Variants in TTC1 observed in about 807,000 individuals in gnomAD.
TTC1 encodes the protein tetratricopeptide repeat protein 1.
Under a neutral mutation model 37.6 loss-of-function variants are expected in TTC1, and 31 were observed. The observed-to-expected ratio is 0.82, with a 90% CI of 0.62 to 1.11. TTC1 has a LOEUF of 1.11. Among genes scored for constraint, TTC1 ranks in the 50% most tolerant of loss-of-function variants. TTC1 has a pLI of 0.00. For synonymous variants in TTC1, 127 were observed against 122.4 expected (o/e 1.04, Z -0.25); for missense variants, 351 against 339.0 (o/e 1.04, Z -0.28).
intron 4 of TTC1, among the ~76,000 whole-genome samples, 175 bp from the exon 5 acceptor site, chr5:160,042,958 C>T (rs2113377448): frequency 6.6e-6 from 1 of 152,276 alleles, no homozygotes; most frequent in African/African-American, 2.4e-5. Context: ...CATCCCCATC[C>T]CCGTGTTAAT....
At chr5:160,035,104 T>C (rs1423863437) in intron 2 of TTC1, 36 bp from the exon 3 acceptor site, 2 of 1,547,590 alleles carry the variant, frequency 1.3e-6, no homozygotes, top group South Asian at 1.2e-5. Flanking sequence ...TATAATAATA[T>C]TGTGAGAAAT....
chr5:160,043,107 CAT>C (rs1757129648), intron 4 of TTC1, 24 bp from the exon 5 acceptor site: 6 of 1,610,744 alleles, frequency 3.7e-6, no homozygotes, highest in East Asian at 4.5e-5. Flanking sequence ...TAGGGCAACA[CAT>C]ATTAATACTG....
chr5:160,049,603 G>T lies in TTC1; in HGVS notation c.631G>T (p.Asp211Tyr). ...GGACAAGCTAGATGAAGCCCTGGAA[G>T]ACTATAAATCTATATTAGAAAAAGA... ...KTDKLDEALE[D>Y]YKSILEKDPS... The change falls in exon 6 of 8, where the codon GAC (aspartate) becomes TAC (tyrosine). Residue 211 changes from aspartate (D) to tyrosine (Y), a missense_variant. By Grantham distance (160) the Asp-to-Tyr change is radical. Coordinates refer to ENST00000231238, the MANE Select transcript of TTC1 (RefSeq NM_003314.3). 6.2e-7 allele frequency: 1 copy of T among 1,611,764 alleles called. No individual in the cohort carries two copies. Among genetic ancestry groups the T allele is most frequent in the Non-Finnish European group, 8.5e-7 (1 of 1,179,130 alleles).
At chr5:160,040,293 G>A (rs1246392220) in intron 4 of TTC1, among the ~76,000 whole-genome samples, 3 of 152,016 alleles carry the variant, frequency 2.0e-5, no homozygotes, top group East Asian at 1.9e-4. Flanking sequence ...TACATATACC[G>A]TGTATGCCAT....
At chr5:160,013,785 C>G (rs192080241) in intron 2 of TTC1, among the ~76,000 whole-genome samples, 1 of 151,520 alleles carries the variant, frequency 6.6e-6, no homozygotes, top group Non-Finnish European at 1.5e-5. Context: ...TATGTCTCAT[C>G]TATCAGATCA....
At chr5:160,047,867 G>T (rs1757291885) in intron 5 of TTC1, among the ~76,000 whole-genome samples, 2 of 152,020 alleles carry the variant, frequency 1.3e-5, no homozygotes, top group South Asian at 2.1e-4. Context: ...CGCTTCACTT[G>T]TATTTCCATG....
chr5:160,032,351 C>T (rs1400912088), intron 2 of TTC1, among the ~76,000 whole-genome samples: 1 of 152,080 alleles, frequency 6.6e-6, no homozygotes, highest in Non-Finnish European at 1.5e-5. Flanking sequence ...TGATTTAACC[C>T]CTCTCTAAAG....
At chr5:160,048,126 C>CCTTTTTT (rs1757302843) in intron 5 of TTC1, among the ~76,000 whole-genome samples, 1 of 35,538 alleles carries the variant, frequency 2.8e-5, no homozygotes, top group African/African-American at 1.2e-4. Flanking sequence ...CAAGACATTG[C>CCTTTTTT]TTTTTTTTTT....
intron 2 of TTC1, among the ~76,000 whole-genome samples, chr5:160,034,001 A>G (rs1485951363): frequency 6.6e-6 from 1 of 152,214 alleles, no homozygotes; most frequent in African/African-American, 2.4e-5. Flanking sequence ...CTATAGTCCC[A>G]TCTACTCAGG....
chr5:160,015,943 G>A (rs1756596109), intron 2 of TTC1, among the ~76,000 whole-genome samples: 1 of 152,198 alleles, frequency 6.6e-6, no homozygotes, highest in Non-Finnish European at 1.5e-5. Context: ...GGTGTCCATT[G>A]GAGAATTGTT....
chr5:160,044,740 C>A (rs1757170092), intron 5 of TTC1, among the ~76,000 whole-genome samples: 1 of 152,182 alleles, frequency 6.6e-6, no homozygotes, highest in Non-Finnish European at 1.5e-5. Flanking sequence ...TATCTTGTGC[C>A]AACCTCCTGT....
chr5:160,037,876 A>G (rs1757023231), intron 4 of TTC1, among the ~76,000 whole-genome samples: 1 of 152,072 alleles, frequency 6.6e-6, no homozygotes, highest in South Asian at 2.1e-4. Flanking sequence ...TTAAGCAACC[A>G]TGATGCTGGC....
intron 7 of TTC1, among the ~76,000 whole-genome samples, chr5:160,058,412 T>A (rs1008206385): frequency 6.8e-6 from 1 of 147,422 alleles, no homozygotes; most frequent in East Asian, 2.0e-4. Context: ...TGTATTTCTT[T>A]TTTTTTTTTT....
At chr5:160,062,320 C>G (rs1223780327) in intron 7 of TTC1, among the ~76,000 whole-genome samples, 1 of 152,216 alleles carries the variant, frequency 6.6e-6, no homozygotes, top group Non-Finnish European at 1.5e-5. Context: ...CAGCCTAAAG[C>G]CAAGCCATTG....
At chr5:160,037,806 A>G (rs1429569401) in intron 4 of TTC1, among the ~76,000 whole-genome samples, 1 of 150,818 alleles carries the variant, frequency 6.6e-6, no homozygotes, top group East Asian at 1.9e-4. Context: ...AAACCATACC[A>G]CTTTTTAAAC....
chr5:160,009,517 C>T (rs78415641), intron 1 of TTC1, among the ~76,000 whole-genome samples: 1 of 152,124 alleles, frequency 6.6e-6, no homozygotes. Flanking sequence ...TTGCAAATGT[C>T]TGGGCTGCTG....
chr5:160,014,112 G>T (rs1214664448), intron 2 of TTC1, among the ~76,000 whole-genome samples: 1 of 152,064 alleles, frequency 6.6e-6, no homozygotes, highest in Non-Finnish European at 1.5e-5. Context: ...CAGCACTCTG[G>T]GAGGCTGAGG....
chr5:160,023,653 C>T (rs1303934087), intron 2 of TTC1: 1 of 1,172,500 alleles, frequency 8.5e-7, no homozygotes, highest in East Asian at 2.5e-5. Flanking sequence ...ACTAAGCTTC[C>T]AAATACAAGG....
chr5:160,039,969 C>T (rs759310537), intron 4 of TTC1, among the ~76,000 whole-genome samples: 9 of 152,144 alleles, frequency 5.9e-5, no homozygotes, highest in East Asian at 1.9e-4. Flanking sequence ...CACTTAACAA[C>T]GGGTATACAT....
Sources: allele counts gnomAD v4.1 joint callset (sites outside exome capture counted in the v4.1 genomes callset), GRCh38; gene constraint gnomAD v4.1.1; transcripts MANE v1.5; gene names NCBI Gene and HGNC (gene_info 2026-07-23, HGNC 2026-07-21).